ATF6: variants seen among roughly 807,000 people sequenced by gnomAD.
The protein encoded by ATF6 is activating transcription factor 6.
A neutral mutation model predicts 83.6 loss-of-function variants in ATF6; 53 were observed. The observed-to-expected ratio is 0.63, with a 90% CI of 0.51 to 0.80. The LOEUF (loss-of-function observed/expected upper bound fraction) is 0.80. ATF6 is among the 30% of genes least tolerant of loss of function. ATF6 has a pLI of 0.00. For synonymous variants in ATF6, 288 were observed against 285.8 expected, an observed-to-expected ratio of 1.01 and a Z score of -0.08; for missense variants, 744 against 797.9, an observed-to-expected ratio of 0.93 and a Z score of 0.81.
chr1:161,928,550 A>G (rs1405809851), intron 15 of ATF6, among the ~76,000 whole-genome samples: 1 of 152,086 alleles, frequency 6.6e-6, no homozygotes, highest in Non-Finnish European at 1.5e-5. Flanking sequence ...AATTCATTCC[A>G]TCCAAATTTA....
At chr1:161,808,175 C>T (rs937727154) in intron 7 of ATF6, among the ~76,000 whole-genome samples, 2 of 151,916 alleles carry the variant, frequency 1.3e-5, no homozygotes, top group Non-Finnish European at 2.9e-5. Context: ...CCACTGCGCC[C>T]AGCAGTTTGG....
chr1:161,886,598 G>T (rs1295786966), intron 14 of ATF6, among the ~76,000 whole-genome samples: 1 of 152,124 alleles, frequency 6.6e-6, no homozygotes, highest in Non-Finnish European at 1.5e-5. Flanking sequence ...TACTTGATCT[G>T]CATCACCAAC....
chr1:161,776,882 GAT>G (rs776606074), intron 1 of ATF6, among the ~76,000 whole-genome samples: 11 of 152,212 alleles, frequency 7.2e-5, no homozygotes, highest in Non-Finnish European at 1.5e-4. Flanking sequence ...AAGGAAGTAA[GAT>G]AGATAGAAAC....
intron 15 of ATF6, among the ~76,000 whole-genome samples, chr1:161,948,906 G>A (rs961521691): frequency 2.0e-5 from 3 of 152,214 alleles, no homozygotes; most frequent in African/African-American, 7.2e-5. Flanking sequence ...TGATTAAAAA[G>A]CAGCCAAGTT....
Position 161,766,343 on chromosome 1 carries a change from G to T in ATF6, c.-18G>T. 6.2e-7 allele frequency: 1 copy of T among 1,610,212 alleles called. No homozygotes were observed. The stretch of plus-strand genomic sequence containing the variant: ...CCAGATATTAATCACGGAGTTCCAG[G>T]GAGAAGGAACTTGTGAAATGGGGGA... On this transcript the variant is annotated 5_prime_UTR_variant, in exon 1 of 16. Coordinates refer to ENST00000367942, the MANE Select transcript of ATF6 (RefSeq NM_007348.4).
At chr1:161,921,744 T>C (rs1456719911) in intron 15 of ATF6, among the ~76,000 whole-genome samples, 5 of 152,222 alleles carry the variant, frequency 3.3e-5, no homozygotes, top group African/African-American at 1.2e-4. Context: ...GTGTGTCTCT[T>C]GTAACGGAAT....
chr1:161,851,256 AC>A (rs34496764), intron 10 of ATF6, among the ~76,000 whole-genome samples: 1 of 51,868 alleles, frequency 1.9e-5, no homozygotes, highest in Non-Finnish European at 1.0e-4. Flanking sequence ...ACACACACAC[AC>A]ACACACACAC....
chr1:161,823,256 A>G (rs1685806892), intron 9 of ATF6, among the ~76,000 whole-genome samples: 1 of 152,154 alleles, frequency 6.6e-6, no homozygotes, highest in South Asian at 2.1e-4. Context: ...TTAATGAAGA[A>G]TAATTATATC....
chr1:161,962,034 A>G lies in ATF6; in HGVS notation c.*3380A>G, dbSNP rs1477644751. The G allele has an allele frequency of 6.6e-6, 1 of 152,180 alleles. No individual in the cohort carries two copies. Among genetic ancestry groups the G allele is most frequent in the African/African-American group, 2.4e-5 (1 of 41,442 alleles). The allele number at this position is 152,180 out of a possible 1,614,324, so 9.4% of individuals were successfully genotyped here. ...CAAATCTGCTGTTTGCCATGCTTGT[A>G]GTACAGAAACTTCACATGGAGTTTT... On this transcript the variant is annotated 3_prime_UTR_variant, in exon 16 of 16. Transcript: ENST00000367942.
chr1:161,813,233 A>G (rs1174793770), intron 7 of ATF6, among the ~76,000 whole-genome samples: 4 of 152,224 alleles, frequency 2.6e-5, no homozygotes, highest in Admixed American at 6.5e-5. Context: ...GGTAGCAGAT[A>G]GTTTTAAGTC....
intron 12 of ATF6, among the ~76,000 whole-genome samples, chr1:161,858,900 T>A (rs12045320): frequency 6.6e-6 from 1 of 152,014 alleles, no homozygotes; most frequent in African/African-American, 2.4e-5. Flanking sequence ...TTTCTGAGAC[T>A]AGGGAAATAA....
intron 1 of ATF6, among the ~76,000 whole-genome samples, chr1:161,767,026 T>G (rs912094150): frequency 6.6e-6 from 1 of 152,188 alleles, no homozygotes; most frequent in Admixed American, 6.5e-5. Context: ...GCTCTTAATT[T>G]TCTTGTTAAT....
At chr1:161,867,614 G>T (rs1225902283) in intron 14 of ATF6, among the ~76,000 whole-genome samples, 1 of 152,104 alleles carries the variant, frequency 6.6e-6, no homozygotes, top group African/African-American at 2.4e-5. Context: ...GAATCAGATG[G>T]CTGTGAATGT....
chr1:161,879,758 T>A (rs1253547187), intron 14 of ATF6, among the ~76,000 whole-genome samples: 6 of 152,074 alleles, frequency 3.9e-5, no homozygotes, highest in Admixed American at 3.9e-4. Flanking sequence ...ATCTTTGAAA[T>A]TTCTTTTTTT....
At chr1:161,937,889 TA>T (rs71093134) in intron 15 of ATF6, among the ~76,000 whole-genome samples, 13 of 148,144 alleles carry the variant, frequency 8.8e-5, no homozygotes, top group East Asian at 5.9e-4. Flanking sequence ...GAAAAGATAA[TA>T]AAAAAAAAAA....
intron 15 of ATF6, among the ~76,000 whole-genome samples, chr1:161,928,984 G>A (rs1688378262): frequency 6.6e-6 from 1 of 152,136 alleles, no homozygotes; most frequent in African/African-American, 2.4e-5. Context: ...GCCTCATTTG[G>A]CATATAGTTA....
At chr1:161,908,552 A>T in intron 14 of ATF6, among the ~76,000 whole-genome samples, 1 of 144,608 alleles carries the variant, frequency 6.9e-6, no homozygotes. Context: ...TGTTTCTCTA[A>T]CTTTTTCTGG....
chr1:161,911,137 A>G (rs1687983519), intron 14 of ATF6, among the ~76,000 whole-genome samples: 1 of 152,024 alleles, frequency 6.6e-6, no homozygotes, highest in South Asian at 2.1e-4. Context: ...CTACTTTTTG[A>G]TGAGTTATTT....
chr1:161,875,870 A>G (rs1687207290), intron 14 of ATF6, among the ~76,000 whole-genome samples: 3 of 151,862 alleles, frequency 2.0e-5, no homozygotes, highest in Non-Finnish European at 4.4e-5. Flanking sequence ...ACTTCTACTC[A>G]AGGGTCAAGA....
Sources: gnomAD v4.1 joint callset for allele counts (sites outside exome capture counted in the v4.1 genomes callset) on GRCh38, gnomAD v4.1.1 for gene constraint, MANE v1.5 for transcripts, NCBI Gene and HGNC (gene_info 2026-07-23, HGNC 2026-07-21) for gene names.